Variants in PALM2AKAP2 observed in about 807,000 individuals in gnomAD.
PALM2AKAP2 encodes PALM2 and AKAP2 fusion, also known as PALM2-AKAP2 fusion protein.
PALM2AKAP2 carries 37 observed loss-of-function variants against 71.5 expected under a neutral mutation model. The observed-to-expected ratio is 0.52, with a 90% CI of 0.40 to 0.68. The LOEUF (loss-of-function observed/expected upper bound fraction) is 0.68. PALM2AKAP2 is among the 30% of genes least tolerant of loss of function. The pLI is 0.00. For synonymous variants in PALM2AKAP2, 468 were observed against 478.8 expected (o/e 0.98, Z 0.29); for missense variants, 1,224 against 1,191.8 (o/e 1.03, Z -0.40).
chr9:110,092,953 G>A (rs1398961056), intron 1 of PALM2AKAP2, among the ~76,000 whole-genome samples: 1 of 152,134 alleles, frequency 6.6e-6, no homozygotes, highest in Non-Finnish European at 1.5e-5. Flanking sequence ...GGGGGTGAGC[G>A]GCAGTGCTCT....
chr9:109,794,945 T>C (rs1216821942), intron 1 of PALM2AKAP2, among the ~76,000 whole-genome samples: 1 of 152,238 alleles, frequency 6.6e-6, no homozygotes, highest in Non-Finnish European at 1.5e-5. Flanking sequence ...TCACTGCAGA[T>C]GGACAGCCTT....
chr9:109,793,786 G>A (rs12380786), intron 1 of PALM2AKAP2, among the ~76,000 whole-genome samples: 1 of 152,066 alleles, frequency 6.6e-6, no homozygotes, highest in African/African-American at 2.4e-5. Context: ...TTCAAAAAAG[G>A]ATCTTTTATG....
chr9:110,068,025 C>T (rs1834120127), intron 1 of PALM2AKAP2, among the ~76,000 whole-genome samples: 1 of 143,246 alleles, frequency 7.0e-6, no homozygotes, highest in Non-Finnish European at 1.5e-5. Flanking sequence ...GGCAAGTGAG[C>T]ATTTAGCAAG....
intron 1 of PALM2AKAP2, among the ~76,000 whole-genome samples, chr9:109,712,757 GCCCTCTGTGGCT>G (rs1361219350): frequency 2.6e-5 from 4 of 152,290 alleles, no homozygotes; most frequent in Middle Eastern, 3.4e-3. Context: ...ACATTTGGGA[GCCCTCTGTGGCT>G]CCCCATTTAG....
intron 1 of PALM2AKAP2, among the ~76,000 whole-genome samples, chr9:110,090,687 T>G (rs1426879772): frequency 1.3e-5 from 2 of 152,226 alleles, no homozygotes; most frequent in Non-Finnish European, 2.9e-5. Flanking sequence ...AAAATGCTGA[T>G]CTGCTTCAAG....
chr9:109,985,188 C>CAAAACA (rs1035138900), intron 6 of PALM2AKAP2, among the ~76,000 whole-genome samples: 7 of 150,646 alleles, frequency 4.6e-5, no homozygotes, highest in Admixed American at 1.3e-4. Context: ...AAAAACAAAA[C>CAAAACA]AAAACAAAAA....
chr9:109,822,561 G>T (rs1349056334), intron 1 of PALM2AKAP2, among the ~76,000 whole-genome samples: 1 of 152,222 alleles, frequency 6.6e-6, no homozygotes, highest in South Asian at 2.1e-4. Context: ...GGTGTCTGTT[G>T]TTCCCTTCTT....
At chr9:110,049,959 T>C (rs898994410) in intron 1 of PALM2AKAP2, among the ~76,000 whole-genome samples, 25 of 152,262 alleles carry the variant, frequency 1.6e-4, no homozygotes, top group Non-Finnish European at 3.2e-4. Context: ...AGGTGACTCG[T>C]TTAGAGAGAT....
intron 1 of PALM2AKAP2, among the ~76,000 whole-genome samples, chr9:109,790,331 G>A (rs1259560288): frequency 2.6e-5 from 4 of 151,478 alleles, no homozygotes; most frequent in Non-Finnish European, 5.9e-5. Context: ...TATTCTAGGT[G>A]GGTGGGATTT....
rs74375270 is a variant in PALM2AKAP2 at position 109,669,048 on chromosome 9, A to T, written c.5+28182A>T. 3.9e-5 allele frequency among the ~76,000 whole-genome samples: 6 copies of T among 152,304 alleles called. No homozygotes were observed. The East Asian group carries it at 1.2e-3, about 29-fold the overall frequency. On this transcript the variant is annotated intron_variant, in intron 1 of 6. Transcript: ENST00000374531. ...TTGCCTCAAGTCTGCTTAGCACTGGAATGGAAGATTTGGCTTGCAATCGAT... is the reference window on the plus strand; with the variant it reads ...TTGCCTCAAGTCTGCTTAGCACTGGTATGGAAGATTTGGCTTGCAATCGAT...
chr9:110,159,216 A>G lies in PALM2AKAP2; in HGVS notation c.2748+2719A>G, dbSNP rs144431775. ...AGTTAATTCTCTTAAAGGTAAAGTAATTCTGGTCTCTAGCCTCCATTTACA... is the reference window on the plus strand; with the variant it reads ...AGTTAATTCTCTTAAAGGTAAAGTAGTTCTGGTCTCTAGCCTCCATTTACA... On this transcript the variant is annotated intron_variant, in intron 3 of 3. Transcript: ENST00000374525. Among the ~76,000 whole-genome samples the G allele has an allele frequency of 2.4e-4, 37 of 152,306 alleles. 1 individual carries two copies. In the East Asian group the frequency reaches 7.1e-3, roughly 29 times the overall value.
rs377458062 is a variant in PALM2AKAP2, at chr9:110,032,442, C to T, written c.582+16403C>T. On this transcript the variant is annotated intron_variant, in intron 7 of 9. Transcript: ENST00000302798. ...GTGCGGTGGCTTACGCCTGTAATCC[C>T]AGCACTTTGGGAGGCTGAGGCGGGC... Among the ~76,000 whole-genome samples the T allele has an allele frequency of 7.9e-5, 12 of 152,104 alleles. No individual in the cohort carries two copies. In the East Asian group the frequency reaches 1.9e-3, roughly 25 times the overall value.
intron 1 of PALM2AKAP2, among the ~76,000 whole-genome samples, chr9:110,082,912 T>C (rs1386208912): frequency 6.6e-6 from 1 of 151,958 alleles, no homozygotes; most frequent in Non-Finnish European, 1.5e-5. Flanking sequence ...GAGGCTGAGG[T>C]GGGCGGATCA....
At chr9:110,022,776 T>G (rs1833097393) in intron 7 of PALM2AKAP2, among the ~76,000 whole-genome samples, 1 of 151,684 alleles carries the variant, frequency 6.6e-6, no homozygotes, top group African/African-American at 2.4e-5. Context: ...CCCCTTCCTG[T>G]GTCCATGTGT....
At chr9:109,780,379 G>T (rs1829421489), upstream of PALM2AKAP2, 2 of 1,600,400 alleles carry the variant, frequency 1.2e-6, no homozygotes, top group South Asian at 1.1e-5. Flanking sequence ...GTCCCTGGGC[G>T]TTCTCCCGGG....
chr9:110,165,477 G>T (rs1836712471), intron 3 of PALM2AKAP2, among the ~76,000 whole-genome samples: 2 of 152,102 alleles, frequency 1.3e-5, no homozygotes, highest in Non-Finnish European at 2.9e-5. Flanking sequence ...AGATTGCCAG[G>T]TATTTCAGTA....
At chr9:109,903,078 C>T (rs1406714355) in intron 3 of PALM2AKAP2, among the ~76,000 whole-genome samples, 2 of 152,126 alleles carry the variant, frequency 1.3e-5, no homozygotes, top group Non-Finnish European at 2.9e-5. Flanking sequence ...TGGCCCAGGT[C>T]ACTGGGTTAC....
chr9:109,887,179 G>A (rs948145710), intron 3 of PALM2AKAP2, among the ~76,000 whole-genome samples: 1 of 152,242 alleles, frequency 6.6e-6, no homozygotes, highest in African/African-American at 2.4e-5. Flanking sequence ...TGTATGTTAT[G>A]TTGTGGGGTT....
At chr9:110,082,977 A>T (rs756829062) in intron 1 of PALM2AKAP2, among the ~76,000 whole-genome samples, 5 of 152,152 alleles carry the variant, frequency 3.3e-5, no homozygotes, top group Non-Finnish European at 7.3e-5. Context: ...CCCCGTCTCT[A>T]CTAAAAATAC....
Sources: allele counts gnomAD v4.1 joint callset (sites outside exome capture counted in the v4.1 genomes callset), GRCh38; gene constraint gnomAD v4.1.1; transcripts MANE v1.5; gene names NCBI Gene and HGNC (gene_info 2026-07-23, HGNC 2026-07-21).